Variants in CDK6 observed in about 807,000 individuals in gnomAD.
CDK6 encodes cyclin-dependent kinase 6.
In CDK6, 6 loss-of-function variants were observed where a neutral mutation model predicts 37.1. That is an observed-to-expected ratio of 0.16 (90% confidence interval 0.09 to 0.32). The LOEUF (loss-of-function observed/expected upper bound fraction) is 0.32. CDK6 is among the 10% of genes least tolerant of loss of function. The probability of loss-of-function intolerance (pLI) is 1.00; values close to 1 mark genes in which losing one functional copy is unlikely to be tolerated. For synonymous variants in CDK6, 160 were observed against 161.3 expected (o/e 0.99, Z 0.06); for missense variants, 224 against 418.9 (o/e 0.53, Z 4.06).
intron 3 of CDK6, among the ~76,000 whole-genome samples, chr7:92,733,663 C>T (rs1248118596): frequency 6.6e-6 from 1 of 151,772 alleles, no homozygotes; most frequent in African/African-American, 2.4e-5. Context: ...ATTAAATTAC[C>T]CACCAATTTT....
At position 92,610,174 on chromosome 7, in the gene CDK6, G is replaced by C; in HGVS notation, c.*4966C>G. 1 of 231,858 alleles carries C rather than the reference G, an allele frequency of 4.3e-6. No individual in the cohort carries two copies. Among genetic ancestry groups the C allele is most frequent in the Non-Finnish European group, 8.5e-6 (1 of 117,214 alleles). 14.4% of individuals were successfully genotyped at this position (231,858 alleles called of 1,614,324 possible). ...GTTTAGAAAGACTTTTGCAAGAAAA[G>C]TCACCTTCCTTTCCTACCACATCAA... On this transcript the variant is annotated 3_prime_UTR_variant, in exon 8 of 8. Transcript: ENST00000424848.
intron 4 of CDK6, among the ~76,000 whole-genome samples, chr7:92,698,790 GTGGCAGCTTTCCAACC>G (rs1166987691): frequency 1.3e-5 from 2 of 152,306 alleles, no homozygotes; most frequent in Admixed American, 1.3e-4. Context: ...GAGCAGATTT[GTGGCAGCTTTCCAACC>G]TGCATTCCTT....
At chr7:92,637,297 T>C (rs923553830) in intron 5 of CDK6, among the ~76,000 whole-genome samples, 3 of 152,180 alleles carry the variant, frequency 2.0e-5, no homozygotes, top group Admixed American at 6.5e-5. Context: ...ACTTCCAATA[T>C]AAAGTTTAAT....
chr7:92,659,990 AATCTAAGAACTCTGAAG>A (rs1217707505), intron 5 of CDK6, among the ~76,000 whole-genome samples: 3 of 152,206 alleles, frequency 2.0e-5, no homozygotes, highest in Admixed American at 6.5e-5. Context: ...ATAGGAAGGG[AATCTAAGAACTCTGAAG>A]CACAGTTTGA....
intron 2 of CDK6, among the ~76,000 whole-genome samples, chr7:92,786,867 T>C (rs544816013): frequency 2.0e-5 from 3 of 152,024 alleles, no homozygotes; most frequent in Non-Finnish European, 4.4e-5. Flanking sequence ...ATTCCACATA[T>C]GTAAACATAA....
intron 3 of CDK6, among the ~76,000 whole-genome samples, chr7:92,770,319 CTTT>C (rs746741500): frequency 2.2e-5 from 2 of 90,928 alleles, no homozygotes. Flanking sequence ...TCTATGTATG[CTTT>C]TTTTTTTTTT....
chr7:92,769,244 T>C (rs989164873), intron 3 of CDK6, among the ~76,000 whole-genome samples: 1 of 152,136 alleles, frequency 6.6e-6, no homozygotes, highest in Non-Finnish European at 1.5e-5. Flanking sequence ...GAAGATAAAA[T>C]GAAATCTAAT....
intron 4 of CDK6, among the ~76,000 whole-genome samples, chr7:92,722,534 C>G (rs748766257): frequency 2.0e-5 from 3 of 152,198 alleles, no homozygotes; most frequent in Non-Finnish European, 4.4e-5. Flanking sequence ...ATTTTGAACA[C>G]AGATATGTGC....
At chr7:92,746,295 T>C (rs1272017795) in intron 3 of CDK6, among the ~76,000 whole-genome samples, 2 of 152,206 alleles carry the variant, frequency 1.3e-5, no homozygotes, top group Non-Finnish European at 2.9e-5. Context: ...GCTGAACATA[T>C]GTATTTTTAA....
intron 4 of CDK6, among the ~76,000 whole-genome samples, chr7:92,707,442 GT>G (rs1359956420): frequency 6.6e-6 from 1 of 152,104 alleles, no homozygotes; most frequent in African/African-American, 2.4e-5. Context: ...AGGAAGCAAT[GT>G]TTTTCAAAAA....
chr7:92,666,257 C>G (rs543703109), intron 5 of CDK6, among the ~76,000 whole-genome samples: 1 of 152,340 alleles, frequency 6.6e-6, no homozygotes, highest in South Asian at 2.1e-4. Context: ...GTACTCTACA[C>G]TTCTTCACAG....
At chr7:92,777,732 T>C (rs1021856190) in intron 2 of CDK6, among the ~76,000 whole-genome samples, 4 of 152,238 alleles carry the variant, frequency 2.6e-5, no homozygotes, top group Admixed American at 1.3e-4. Flanking sequence ...TTTGGTTCCA[T>C]ATGAAATTTA....
chr7:92,689,457 T>C (rs1417817449), intron 4 of CDK6, among the ~76,000 whole-genome samples: 2 of 152,222 alleles, frequency 1.3e-5, no homozygotes, highest in Non-Finnish European at 2.9e-5. Flanking sequence ...TAGTATTCCA[T>C]GGTGTATATG....
intron 2 of CDK6, among the ~76,000 whole-genome samples, chr7:92,776,066 C>T (rs1400915166): frequency 6.6e-6 from 1 of 151,274 alleles, no homozygotes; most frequent in Admixed American, 6.6e-5. Context: ...CCCCTAACCC[C>T]CCCACCCCGA....
chr7:92,688,632 C>CACACACAG (rs1562936434), intron 4 of CDK6, among the ~76,000 whole-genome samples: 4 of 144,872 alleles, frequency 2.8e-5, no homozygotes, highest in Non-Finnish European at 4.5e-5. Flanking sequence ...CACACACACA[C>CACACACAG]AGAGTTCTTA....
chr7:92,673,705 T>C (rs947487779), intron 4 of CDK6, among the ~76,000 whole-genome samples: 2 of 152,216 alleles, frequency 1.3e-5, no homozygotes, highest in African/African-American at 4.8e-5. Flanking sequence ...GTATAGGTCT[T>C]ATCTTGTGCC....
At chr7:92,781,209 T>C (rs958343456) in intron 2 of CDK6, among the ~76,000 whole-genome samples, 1 of 152,224 alleles carries the variant, frequency 6.6e-6, no homozygotes, top group African/African-American at 2.4e-5. Flanking sequence ...CATTTCACAA[T>C]TAAGTTGGCC....
Position 92,799,795 on chromosome 7 carries a change from C to A in CDK6, c.234-24964G>T, listed in dbSNP as rs144214731. Among the ~76,000 whole-genome samples, 246 of 152,246 alleles carry A rather than the reference C, an allele frequency of 1.6e-3. 1 individual carries two copies. Among genetic ancestry groups the A allele is most frequent in the African/African-American group, 5.8e-3 (239 of 41,544 alleles). On this transcript the variant is annotated intron_variant, in intron 2 of 7. Transcript: ENST00000424848. Reference sequence around the variant, plus strand: ...GCTCAAAAAAGATTTCTATACATCTCCTTTAAGAATGCCACAGGTTTTCCG... The same window carrying A: ...GCTCAAAAAAGATTTCTATACATCTACTTTAAGAATGCCACAGGTTTTCCG...
At chr7:92,764,267 C>T (rs1335486844) in intron 3 of CDK6, among the ~76,000 whole-genome samples, 1 of 151,912 alleles carries the variant, frequency 6.6e-6, no homozygotes, top group Non-Finnish European at 1.5e-5. Flanking sequence ...GTCTCCTGAG[C>T]AGCTGGGACT....
Sources: gnomAD v4.1 joint callset for allele counts (sites outside exome capture counted in the v4.1 genomes callset) on GRCh38, gnomAD v4.1.1 for gene constraint, MANE v1.5 for transcripts, NCBI Gene and HGNC (gene_info 2026-07-23, HGNC 2026-07-21) for gene names.